ADAMTS19: variants seen among roughly 807,000 people sequenced by gnomAD.
ADAMTS19 encodes ADAM metallopeptidase with thrombospondin type 1 motif 19.
In ADAMTS19, 93 loss-of-function variants were observed where a neutral mutation model predicts 153.3. The ratio of observed to expected loss-of-function variants is 0.61; its 90% confidence interval spans 0.51 to 0.72. The LOEUF is 0.72. ADAMTS19 is among the 30% of genes least tolerant of loss of function. The probability of loss-of-function intolerance (pLI) is 0.00; values close to 1 mark genes in which losing one functional copy is unlikely to be tolerated. For missense variants in ADAMTS19, 1,482 were observed against 1,552.1 expected (o/e 0.95, Z 0.76); for synonymous variants, 600 against 556.6 (o/e 1.08, Z -1.10).
At chr5:129,539,022 C>T (rs1461309296) in intron 6 of ADAMTS19, among the ~76,000 whole-genome samples, 1 of 152,070 alleles carries the variant, frequency 6.6e-6, no homozygotes, top group South Asian at 2.1e-4. Flanking sequence ...TTGTTTCATG[C>T]TATACACAGT....
At chr5:129,478,164 C>T (rs1750288402) in intron 2 of ADAMTS19, among the ~76,000 whole-genome samples, 1 of 152,102 alleles carries the variant, frequency 6.6e-6, no homozygotes. Context: ...CCGGCTTGAA[C>T]AAATGCTTGT....
chr5:129,737,003 A>G, intron 22 of ADAMTS19, 64 bp from the exon 23 acceptor site: 1 of 1,401,882 alleles, frequency 7.1e-7, no homozygotes. Context: ...AAACGCTTGA[A>G]GTTGGTTTTT....
At chr5:129,463,369 G>A (rs1013546758) in intron 2 of ADAMTS19, among the ~76,000 whole-genome samples, 14 of 152,116 alleles carry the variant, frequency 9.2e-5, no homozygotes, top group African/African-American at 2.4e-4. Flanking sequence ...GGTTGTGCAC[G>A]TGTACCCTAG....
chr5:129,692,448 T>G, intron 18 of ADAMTS19, among the ~76,000 whole-genome samples: 1 of 152,208 alleles, frequency 6.6e-6, no homozygotes, highest in East Asian at 1.9e-4. Context: ...GAATCTACAC[T>G]TATCCTTCTT....
intron 2 of ADAMTS19, among the ~76,000 whole-genome samples, chr5:129,463,465 T>C (rs1406847692): frequency 1.3e-5 from 2 of 152,216 alleles, no homozygotes; most frequent in African/African-American, 4.8e-5. Context: ...GTTTATCATG[T>C]TGGACTTTTA....
chr5:129,491,573 T>A (rs945227776), intron 2 of ADAMTS19, among the ~76,000 whole-genome samples: 1 of 152,220 alleles, frequency 6.6e-6, no homozygotes, highest in African/African-American at 2.4e-5. Context: ...ATATCAGAAT[T>A]ATTTTACAAA....
At chr5:129,491,121 C>T (rs986378800) in intron 2 of ADAMTS19, among the ~76,000 whole-genome samples, 15 of 152,112 alleles carry the variant, frequency 9.9e-5, no homozygotes, top group Admixed American at 2.0e-4. Context: ...TCTGCCTCAG[C>T]CTCCCAAGTA....
intron 10 of ADAMTS19, among the ~76,000 whole-genome samples, chr5:129,640,586 TACAA>T (rs1196974564): frequency 3.9e-5 from 6 of 152,282 alleles, no homozygotes; most frequent in African/African-American, 1.4e-4. Flanking sequence ...TATTTTTCCC[TACAA>T]ACATAAAGTC....
chr5:129,668,034 C>T lies in ADAMTS19; in HGVS notation c.2506+2455C>T, dbSNP rs141272471. 1.3e-3 allele frequency among the ~76,000 whole-genome samples: 205 copies of T among 152,206 alleles called. 1 individual carries two copies. The highest frequency in any genetic ancestry group is 1.6e-3 in the Non-Finnish European group (110 of 68,000). On this transcript the variant is annotated intron_variant, in intron 16 of 22. Transcript: ENST00000274487. ...GAAGTCCAAAATCAGTTTCACTGGGCCAAAAATCAGTGTTTGCAGTGTTAC... is the reference window on the plus strand; with the variant it reads ...GAAGTCCAAAATCAGTTTCACTGGGTCAAAAATCAGTGTTTGCAGTGTTAC...
At chr5:129,721,573 T>G (rs1757005921) in intron 21 of ADAMTS19, among the ~76,000 whole-genome samples, 1 of 152,112 alleles carries the variant, frequency 6.6e-6, no homozygotes, top group Non-Finnish European at 1.5e-5. Flanking sequence ...TATTTTTCAG[T>G]GTTAAACCAA....
At chr5:129,700,493 T>C (rs746271414) in intron 19 of ADAMTS19, among the ~76,000 whole-genome samples, 3 of 152,184 alleles carry the variant, frequency 2.0e-5, no homozygotes, top group Non-Finnish European at 4.4e-5. Flanking sequence ...CACAGTCTTC[T>C]GTTACTTTGC....
At chr5:129,682,395 A>G (rs189593094) in intron 17 of ADAMTS19, among the ~76,000 whole-genome samples, 3 of 152,354 alleles carry the variant, frequency 2.0e-5, no homozygotes, top group African/African-American at 7.2e-5. Context: ...GAATACTGCC[A>G]AATTCAAATG....
chr5:129,492,531 G>GTGTGTGTA (rs1237545724), intron 2 of ADAMTS19, among the ~76,000 whole-genome samples: 1 of 151,080 alleles, frequency 6.6e-6, no homozygotes, highest in Non-Finnish European at 1.5e-5. Context: ...GTGTGTGTGT[G>GTGTGTGTA]TATGTGTATA....
chr5:129,550,751 A>G (rs745624048), intron 6 of ADAMTS19, among the ~76,000 whole-genome samples: 3 of 151,510 alleles, frequency 2.0e-5, no homozygotes, highest in Non-Finnish European at 4.4e-5. Context: ...CAGATCCTGT[A>G]ACAGAGAGGA....
chr5:129,637,329 T>G (rs2127012904), intron 10 of ADAMTS19, among the ~76,000 whole-genome samples: 1 of 152,302 alleles, frequency 6.6e-6, no homozygotes, highest in Admixed American at 6.5e-5. Flanking sequence ...AATATCAAAC[T>G]TACCTGTATT....
chr5:129,637,835 C>T (rs967480135), intron 10 of ADAMTS19, among the ~76,000 whole-genome samples: 4 of 152,120 alleles, frequency 2.6e-5, no homozygotes, highest in South Asian at 2.1e-4. Context: ...GTGACAAGAG[C>T]GAGACTCTGT....
At chr5:129,517,738 A>C (rs1751660311) in intron 3 of ADAMTS19, among the ~76,000 whole-genome samples, 1 of 151,828 alleles carries the variant, frequency 6.6e-6, no homozygotes, top group Non-Finnish European at 1.5e-5. Context: ...TCATCTATTT[A>C]GCCATTTTAT....
chr5:129,616,680 AG>A (rs1751545437), intron 8 of ADAMTS19, among the ~76,000 whole-genome samples: 1 of 152,078 alleles, frequency 6.6e-6, no homozygotes, highest in South Asian at 2.1e-4. Flanking sequence ...TATTTGCCCA[AG>A]GCTCTTTGTC....
chr5:129,646,110 G>A lies in ADAMTS19; in HGVS notation c.1873-1655G>A, dbSNP rs919563201. Among the ~76,000 whole-genome samples, 4 of 150,834 alleles carry A rather than the reference G, an allele frequency of 2.7e-5. No individual in the cohort carries two copies. In the East Asian group the frequency reaches 7.8e-4, roughly 30 times the overall value. On this transcript the variant is annotated intron_variant, in intron 11 of 22. Transcript: ENST00000274487. ...TCACTGTTTTAGCCGGGATGGTCTC[G>A]ATCTCCTGACCTCGTGATCCGCCCG...
Sources: allele counts gnomAD v4.1 joint callset (sites outside exome capture counted in the v4.1 genomes callset), GRCh38; gene constraint gnomAD v4.1.1; transcripts MANE v1.5; gene names NCBI Gene and HGNC (gene_info 2026-07-23, HGNC 2026-07-21).